The following PAK1IP1 variants were observed in gnomAD, a reference collection of about 807,000 sequenced individuals.
The protein encoded by PAK1IP1 is p21-activated protein kinase-interacting protein 1.
Under a neutral mutation model 42.0 loss-of-function variants are expected in PAK1IP1, and 24 were observed. That is an observed-to-expected ratio of 0.57 (90% CI 0.41 to 0.80). The LOEUF (loss-of-function observed/expected upper bound fraction) is 0.80. Ranked by LOEUF, PAK1IP1 falls within the 30% of genes least tolerant of loss-of-function variation. The pLI is 0.00. For missense variants in PAK1IP1, 411 were observed against 467.9 expected (o/e 0.88, Z 1.12); for synonymous variants, 154 against 156.7 (o/e 0.98, Z 0.13).
upstream of PAK1IP1, chr6:10,694,607 G>GTAGAT: frequency 6.6e-5 from 13 of 197,408 alleles, no homozygotes; most frequent in South Asian, 2.9e-4. Context: ...TAAGCAACCG[G>GTAGAT]CCGGAAGTCG....
At chr6:10,700,628 G>T (rs1191825825) in intron 2 of PAK1IP1, among the ~76,000 whole-genome samples, 1 of 152,058 alleles carries the variant, frequency 6.6e-6, no homozygotes, top group Non-Finnish European at 1.5e-5. Context: ...GTCCTAGTTT[G>T]TTACAAAGAA....
chr6:10,706,854 C>T (rs1401676287), intron 7 of PAK1IP1, among the ~76,000 whole-genome samples: 38 of 150,526 alleles, frequency 2.5e-4, no homozygotes, highest in Admixed American at 1.5e-3. Flanking sequence ...ATCCCACCAC[C>T]GCACTCCAGC....
rs116411518 is a variant in PAK1IP1, at chr6:10,709,222, C to G, written c.965-16C>G. ...AAAACAGTCTTTTTTTAAAAGCACTCTCTTTTGTGTTTTAGTAAGTAAAGA... is the reference window on the plus strand; with the variant it reads ...AAAACAGTCTTTTTTTAAAAGCACTGTCTTTTGTGTTTTAGTAAGTAAAGA... On this transcript the variant is annotated splice_polypyrimidine_tract_variant and intron_variant, in intron 9 of 9. Transcript: ENST00000379568. The G allele has an allele frequency of 6.3e-7, 1 of 1,584,838 alleles. No individual in the cohort carries two copies. The highest frequency in any genetic ancestry group is 8.6e-7 in the Non-Finnish European group (1 of 1,166,808).
Position 10,707,241 on chromosome 6 carries a change from A to G in PAK1IP1, c.741-174A>G, listed in dbSNP as rs1240143800. 2.6e-5 allele frequency among the ~76,000 whole-genome samples: 4 copies of G among 152,302 alleles called. No homozygotes were observed. In the East Asian group the frequency reaches 7.7e-4, roughly 29 times the overall value. ...ATTTTATCTTGTTTTTTGGGCCTGG[A>G]TATATCTCATTAATGGGAATGCGAA... On this transcript the variant is annotated intron_variant, in intron 7 of 9. Transcript: ENST00000379568.
intron 2 of PAK1IP1, among the ~76,000 whole-genome samples, chr6:10,699,196 GTC>G (rs1769950903): frequency 1.9e-5 from 2 of 104,712 alleles, no homozygotes; most frequent in Admixed American, 2.3e-4. Flanking sequence ...GCGAGACTCT[GTC>G]TCAAAAAAAA....
At chr6:10,707,720 A>T (rs1412946768) in intron 8 of PAK1IP1, among the ~76,000 whole-genome samples, 1 of 152,132 alleles carries the variant, frequency 6.6e-6, no homozygotes, top group Non-Finnish European at 1.5e-5. Flanking sequence ...GTGGGATCCC[A>T]GAACTCGCGC....
intron 2 of PAK1IP1, 136 bp from the exon 3 acceptor site, chr6:10,702,233 C>G: frequency 1.5e-6 from 1 of 685,488 alleles, no homozygotes; most frequent in Non-Finnish European, 2.4e-6. Context: ...AGAGTGAAAC[C>G]CTGCCTCAAA....
rs1296727297 is a variant in PAK1IP1 at position 10,709,595 on chromosome 6, GT to G, written c.*151del. 406 of 289,658 alleles carry G rather than the reference GT, an allele frequency of 1.4e-3. No individual in the cohort carries two copies. The highest frequency in any genetic ancestry group is 2.0e-3 in the African/African-American group (46 of 22,734). The allele number at this position is 289,658 out of a possible 1,614,324, so 17.9% of individuals were successfully genotyped here. A position where few individuals can be genotyped will look rare whatever the true frequency, so the allele number is the denominator to read the frequency against. ...TATATTAAAAAACCACTTTTAGATG[GT>G]TTTTTTTAAAAAAAAAAAAAAAACT... On this transcript the variant is annotated 3_prime_UTR_variant, in exon 10 of 10. Coordinates refer to ENST00000379568, the MANE Select transcript of PAK1IP1 (RefSeq NM_017906.3).
At chr6:10,694,612 A>T, upstream of PAK1IP1, 95 of 183,178 alleles carry the variant, frequency 5.2e-4, no homozygotes, top group South Asian at 2.7e-3. Flanking sequence ...AACCGGCCGG[A>T]AGTCGGCCCC....
At chr6:10,692,471 C>T (rs1478526339), upstream of PAK1IP1, among the ~76,000 whole-genome samples, 14 of 152,140 alleles carry the variant, frequency 9.2e-5, no homozygotes, top group Admixed American at 7.9e-4. Flanking sequence ...TTGAGACAGT[C>T]TCACTCTTGC....
intron 1 of PAK1IP1, 81 bp downstream of exon 1, chr6:10,695,150 T>C (rs1769764376): frequency 1.2e-6 from 1 of 812,532 alleles, no homozygotes; most frequent in South Asian, 1.4e-5. Flanking sequence ...GAGGTGAACA[T>C]TGGAGCGCCT....
At position 10,702,619 on chromosome 6, in the gene PAK1IP1, T is replaced by A. The variant is rs756843130; in HGVS notation, c.423T>A (p.Val141=). The stretch of plus-strand genomic sequence containing the variant: ...CATCTGGCAAGTTGGCCCTGTCGGT[T>A]GGTACAGATAAAACTTTAAGGTAAG... ...IHPSGKLALS[V]GTDKTLRTWN... Residue 141 remains valine, a synonymous_variant, in exon 4 of 10, where the codon GTT becomes GTA. Coordinates refer to ENST00000379568, the MANE Select transcript of PAK1IP1 (RefSeq NM_017906.3). 6 of 1,613,128 alleles carry A rather than the reference T, an allele frequency of 3.7e-6. No homozygotes were observed. The highest frequency in any genetic ancestry group is 5.1e-6 in the Non-Finnish European group (6 of 1,179,470).
rs150162264 is a variant in PAK1IP1, at chr6:10,699,008, G to T, written c.247+1522G>T. 5.9e-5 allele frequency among the ~76,000 whole-genome samples: 9 copies of T among 152,182 alleles called. No homozygotes were observed. The East Asian group carries it at 1.7e-3, about 29-fold the overall frequency. On this transcript the variant is annotated intron_variant, in intron 2 of 9. Coordinates refer to ENST00000379568, the MANE Select transcript of PAK1IP1 (RefSeq NM_017906.3). ...GAGGTCAGGAGATTGAGACCATCCT[G>T]GCTAACAAGGAGAAACCCCGTCTCT...
At chr6:10,692,504 G>C (rs1769418177), upstream of PAK1IP1, among the ~76,000 whole-genome samples, 1 of 152,084 alleles carries the variant, frequency 6.6e-6, no homozygotes, top group South Asian at 2.1e-4. Context: ...GCAGTGGCGG[G>C]ATCTCGGCTC....
chr6:10,695,134 A>C, intron 1 of PAK1IP1, 65 bp downstream of exon 1: 2 of 991,054 alleles, frequency 2.0e-6, no homozygotes, highest in South Asian at 2.6e-5. Context: ...TGGTTCCTAC[A>C]CAGCAGAGGT....
chr6:10,693,020 T>C (rs1192216064), upstream of PAK1IP1, among the ~76,000 whole-genome samples: 4 of 152,230 alleles, frequency 2.6e-5, no homozygotes, highest in African/African-American at 7.2e-5. Context: ...TTAGAAACAA[T>C]AGTTTCTTTT....
intron 2 of PAK1IP1, among the ~76,000 whole-genome samples, chr6:10,700,835 A>G (rs377368664): frequency 6.6e-6 from 1 of 151,454 alleles, no homozygotes; most frequent in Non-Finnish European, 1.5e-5. Flanking sequence ...TTTTCCTTCA[A>G]CTTTTAAGTT....
chr6:10,694,511 G>A (rs1432752259), upstream of PAK1IP1: 1 of 156,402 alleles, frequency 6.4e-6, no homozygotes, highest in Non-Finnish European at 1.4e-5. Context: ...ACGACAGAAA[G>A]CCTCGTTCCG....
At chr6:10,694,146 G>C (rs1467011725), upstream of PAK1IP1, among the ~76,000 whole-genome samples, 2 of 151,668 alleles carry the variant, frequency 1.3e-5, no homozygotes, top group African/African-American at 4.9e-5. Context: ...TGTAATCCCA[G>C]CTACTCGGGA....
Sources: allele counts gnomAD v4.1 joint callset (sites outside exome capture counted in the v4.1 genomes callset), GRCh38; gene constraint gnomAD v4.1.1; transcripts MANE v1.5; gene names NCBI Gene and HGNC (gene_info 2026-07-23, HGNC 2026-07-21).